Variants in SIL1 observed in about 807,000 individuals in gnomAD.
SIL1 encodes nucleotide exchange factor SIL1.
Under a neutral mutation model 49.1 loss-of-function variants are expected in SIL1, and 40 were observed. The ratio of observed to expected loss-of-function variants is 0.81; its 90% CI spans 0.63 to 1.06. SIL1 has a LOEUF of 1.06. Ranked by LOEUF, SIL1 falls within the 50% of genes least tolerant of loss-of-function variation. SIL1 has a pLI of 0.00. For missense variants in SIL1, 500 were observed against 572.6 expected (o/e 0.87, Z 1.29); for synonymous variants, 253 against 250.8 (o/e 1.01, Z -0.08).
At chr5:138,997,593 T>C (rs1229268672) in intron 7 of SIL1, among the ~76,000 whole-genome samples, 1 of 152,244 alleles carries the variant, frequency 6.6e-6, no homozygotes, top group Admixed American at 6.5e-5. Context: ...GACAGAGTGC[T>C]CTGTAGCCTA....
intron 7 of SIL1, among the ~76,000 whole-genome samples, chr5:139,004,725 T>C (rs1768070323): frequency 6.6e-6 from 1 of 152,072 alleles, no homozygotes; most frequent in African/African-American, 2.4e-5. Context: ...AATGAATGAA[T>C]GGATAAAGAA....
At chr5:139,013,523 T>A (rs1408440209) in intron 7 of SIL1, 1 of 152,230 alleles carries the variant, frequency 6.6e-6, no homozygotes, top group Non-Finnish European at 1.5e-5. Context: ...GTTTTGTATC[T>A]CTTAGGATTT....
chr5:139,083,609 A>T, intron 3 of SIL1, among the ~76,000 whole-genome samples: 2 of 40,274 alleles, frequency 5.0e-5, no homozygotes, highest in African/African-American at 2.3e-4. Flanking sequence ...GGTTGCAAAA[A>T]TTTTCTCCCA....
chr5:139,042,704 G>C lies in SIL1; in HGVS notation c.369C>G (p.Thr123=). The C allele has an allele frequency of 6.2e-7, 1 of 1,614,120 alleles. No homozygotes were observed. The highest frequency in any genetic ancestry group is 1.7e-5 in the Admixed American group (1 of 60,016). ...NLKGKRLDIN[T]NTYTSQDLKS... ...TGAGATCCTGAGATGTGTAGGTGTTGGTGTTGATATCCAGCCTGTCCAAAG... is the reference window on the plus strand; with the variant it reads ...TGAGATCCTGAGATGTGTAGGTGTTCGTGTTGATATCCAGCCTGTCCAAAG... Residue 123 remains threonine, a synonymous_variant, in exon 5 of 10, where the codon ACC becomes ACG. Transcript: ENST00000394817.
chr5:138,987,336 C>G (rs7727466), intron 7 of SIL1, among the ~76,000 whole-genome samples: 61,849 of 151,498 alleles, frequency 0.41, 13,267 homozygotes, highest in African/African-American at 0.55. Context: ...TGGTCTCAAA[C>G]TCCTGGCCTC....
intron 1 of SIL1, 81 bp from the exon 2 acceptor site, chr5:139,127,934 A>G (rs1375436189): frequency 7.1e-6 from 6 of 850,618 alleles, no homozygotes; most frequent in Non-Finnish European, 2.0e-6. Context: ...CCATGTCGTC[A>G]CTTGCTCACA....
intron 7 of SIL1, among the ~76,000 whole-genome samples, chr5:138,972,099 G>A (rs888875892): frequency 9.2e-5 from 14 of 152,138 alleles, no homozygotes; most frequent in South Asian, 4.1e-4. Context: ...AAGGCCAGCT[G>A]GGGATAAGGG....
At chr5:139,162,651 T>C (rs542294486) in intron 1 of SIL1, among the ~76,000 whole-genome samples, 1 of 152,216 alleles carries the variant, frequency 6.6e-6, no homozygotes, top group Non-Finnish European at 1.5e-5. Context: ...AACACCTGTG[T>C]ACCCAGGTTC....
chr5:139,141,397 G>A (rs1466353783), intron 1 of SIL1, among the ~76,000 whole-genome samples: 1 of 151,676 alleles, frequency 6.6e-6, no homozygotes, highest in African/African-American at 2.4e-5. Context: ...TGTAATCCCA[G>A]CACTTTGGGA....
At chr5:139,083,806 G>A (rs1426057197) in intron 3 of SIL1, among the ~76,000 whole-genome samples, 1 of 18,618 alleles carries the variant, frequency 5.4e-5, no homozygotes, top group Non-Finnish European at 1.1e-4. Context: ...GGGTTTTTAT[G>A]GTTTTAGGTC....
chr5:139,040,498 C>CTTTTTT (rs11312366), intron 5 of SIL1, among the ~76,000 whole-genome samples: 5 of 105,296 alleles, frequency 4.7e-5, no homozygotes, highest in East Asian at 2.8e-4. Flanking sequence ...TTTCTTTTTT[C>CTTTTTT]TTTTTTTTTT....
chr5:138,953,812 C>T (rs749540380), intron 7 of SIL1, among the ~76,000 whole-genome samples: 18 of 152,242 alleles, frequency 1.2e-4, no homozygotes, highest in Non-Finnish European at 2.1e-4. Context: ...AAGACGACCA[C>T]GCTGAGAGAT....
At chr5:139,086,622 G>T (rs1770227789) in intron 3 of SIL1, among the ~76,000 whole-genome samples, 1 of 151,786 alleles carries the variant, frequency 6.6e-6, no homozygotes, top group South Asian at 2.1e-4. Context: ...CTCCCAAAGT[G>T]CTGGGATTAC....
chr5:139,105,816 C>A (rs368784691), intron 3 of SIL1, among the ~76,000 whole-genome samples: 5 of 152,224 alleles, frequency 3.3e-5, no homozygotes, highest in African/African-American at 1.2e-4. Context: ...AACATTACCC[C>A]CAAAGAATAG....
chr5:138,997,703 C>T (rs553049797), intron 7 of SIL1, among the ~76,000 whole-genome samples: 63 of 152,280 alleles, frequency 4.1e-4, no homozygotes, highest in South Asian at 2.1e-3. Flanking sequence ...GGACTACAGG[C>T]GTGTGCCACT....
intron 1 of SIL1, among the ~76,000 whole-genome samples, chr5:139,128,830 C>A (rs1404152081): frequency 6.6e-6 from 1 of 152,092 alleles, no homozygotes; most frequent in Non-Finnish European, 1.5e-5. Context: ...TTTCGGGGGA[C>A]CCAGAATAGC....
Position 139,121,064 on chromosome 5 carries a change from G to A in SIL1, c.215C>T (p.Pro72Leu), listed in dbSNP as rs201636421. Reference protein sequence around the residue: ...LDAEVLEVFHPTHEWQALQPG... With the variant: ...LDAEVLEVFHLTHEWQALQPG... ...CTGAAGGGCCTGCCACTCATGCGTC[G>A]GGTGGAACACCTCCAGGACTTCGGC... The change falls in exon 3 of 10, where the codon CCG becomes CTG. Residue 72 changes from proline to leucine, a missense_variant. By Grantham distance (98) the Pro-to-Leu change is moderately conservative (BLOSUM62 -3). Transcript: ENST00000394817. The A allele has an allele frequency of 4.0e-5, 64 of 1,614,140 alleles. No individual in the cohort carries two copies. Among genetic ancestry groups the A allele is most frequent in the East Asian group, 3.3e-4 (15 of 44,882 alleles).
Position 138,951,787 on chromosome 5 carries a change from C to T in SIL1, c.864+1G>A. On this transcript the variant is annotated splice_donor_variant, in intron 8 of 9. Coordinates refer to ENST00000394817, the MANE Select transcript of SIL1 (RefSeq NM_022464.5). LOFTEE classifies it high-confidence loss of function. ...GCAGGAGGAAGGGCATGGAAACACA[C>T]CTTCTTCTTTGCAGTGAGCGGCTGC... is the stretch of plus-strand genomic sequence containing the variant. The T allele has an allele frequency of 6.2e-7, 1 of 1,613,996 alleles. No individual in the cohort carries two copies. The highest frequency in any genetic ancestry group is 8.5e-7 in the Non-Finnish European group (1 of 1,179,922).
chr5:139,170,092 C>T (rs1561888724), intron 1 of SIL1, among the ~76,000 whole-genome samples: 2 of 152,252 alleles, frequency 1.3e-5, no homozygotes, highest in African/African-American at 4.8e-5. Context: ...TGGTCTCCAG[C>T]TCCTAACCGC....
Sources: gnomAD v4.1 joint callset for allele counts (sites outside exome capture counted in the v4.1 genomes callset) on GRCh38, gnomAD v4.1.1 for gene constraint, MANE v1.5 for transcripts, NCBI Gene and HGNC (gene_info 2026-07-23, HGNC 2026-07-21) for gene names.